The following RASGRF1 variants were observed in gnomAD, a reference collection of about 807,000 sequenced individuals.
RASGRF1 encodes the protein ras-specific guanine nucleotide-releasing factor 1.
RASGRF1 carries 40 observed loss-of-function variants against 138.7 expected under a neutral mutation model. The observed-to-expected ratio is 0.29, with a 90% CI of 0.22 to 0.38. The LOEUF is 0.38. Among genes scored for constraint, RASGRF1 ranks in the 10% least tolerant of loss-of-function variants. The probability of loss-of-function intolerance (pLI) is 1.00; values close to 1 mark genes in which losing one functional copy is unlikely to be tolerated. For synonymous variants in RASGRF1, 614 were observed against 663.2 expected, an observed-to-expected ratio of 0.93 and a Z score of 1.14; for missense variants, 1,108 against 1,650.4, an observed-to-expected ratio of 0.67 and a Z score of 5.69.
chr15:79,087,271 G>C (rs573038241), intron 1 of RASGRF1, among the ~76,000 whole-genome samples: 25 of 152,326 alleles, frequency 1.6e-4, no homozygotes, highest in African/African-American at 5.3e-4. Flanking sequence ...CAGCTTCTAG[G>C]TTGAGGACAT....
chr15:79,061,270 G>C (rs1000874384), intron 2 of RASGRF1, among the ~76,000 whole-genome samples: 5 of 152,044 alleles, frequency 3.3e-5, no homozygotes, highest in Admixed American at 6.5e-5. Flanking sequence ...TTTAGCCTGT[G>C]AGACCCTGGC....
At position 79,049,550 on chromosome 15, in the gene RASGRF1, G is replaced by A; in HGVS notation, c.570C>T (p.Ser190=). Residue 190 remains serine, a synonymous_variant, in exon 4 of 27, where the codon TCC becomes TCT. Coordinates refer to ENST00000558480, the MANE Select transcript of RASGRF1 (RefSeq NM_001145648.3). ...CATCGTTGGGGGCGACAGTCTGGGT[G>A]GACTGGATGCGCTCATTGTCCTTGA... ...SLLKDNERIQ[S]TQTVAPNDED... is the part of the protein sequence containing the mutation. 2 of 1,614,038 alleles carry A rather than the reference G, an allele frequency of 1.2e-6. No homozygotes were observed. The highest frequency in any genetic ancestry group is 1.1e-5 in the South Asian group (1 of 91,060).
intron 1 of RASGRF1, among the ~76,000 whole-genome samples, chr15:79,067,322 T>C (rs2057693462): frequency 6.6e-6 from 1 of 152,158 alleles, no homozygotes; most frequent in South Asian, 2.1e-4. Context: ...AACTGGAGGA[T>C]CTACCACGCC....
rs561781086 is a variant in RASGRF1, at chr15:79,082,778, G to A, written c.276+7445C>T. ...TCCTTTGGTAAGGGCTTGCTTGCTT[G>A]GACCTTTTCAGGAACTCACAGGTTC... On this transcript the variant is annotated intron_variant, in intron 1 of 26. Transcript: ENST00000558480. Among the ~76,000 whole-genome samples the A allele has an allele frequency of 3.5e-4, 54 of 152,298 alleles. 2 individuals carry two copies. In the South Asian group the frequency reaches 0.011, roughly 32 times the overall value.
chr15:79,058,204 T>C, intron 3 of RASGRF1, 130 bp downstream of exon 3: 1 of 1,375,868 alleles, frequency 7.3e-7, no homozygotes, highest in Non-Finnish European at 9.8e-7. Flanking sequence ...ACGTCCTAAG[T>C]TTGGAGTCTG....
intron 24 of RASGRF1, chr15:78,978,848 A>T (rs1208712721): frequency 8.4e-7 from 1 of 1,185,530 alleles, no homozygotes; most frequent in East Asian, 5.9e-5. Context: ...GGTTTGCATA[A>T]AGCTCTTAGC....
chr15:79,089,826 G>A (rs1378320891), intron 1 of RASGRF1, among the ~76,000 whole-genome samples: 2 of 152,178 alleles, frequency 1.3e-5, no homozygotes, highest in African/African-American at 2.4e-5. Flanking sequence ...TAGAACAGAC[G>A]ATCGGGGCTA....
intron 23 of RASGRF1, among the ~76,000 whole-genome samples, chr15:78,982,561 T>TA (rs2056057539): frequency 6.6e-6 from 1 of 152,110 alleles, no homozygotes; most frequent in Admixed American, 6.5e-5. Flanking sequence ...GTGTCTCTGT[T>TA]AGAGTGTGGA....
intron 3 of RASGRF1, among the ~76,000 whole-genome samples, chr15:79,052,015 C>T (rs975781177): frequency 6.6e-6 from 1 of 152,178 alleles, no homozygotes; most frequent in Non-Finnish European, 1.5e-5. Context: ...TTGGTTACAT[C>T]CTGCCCCTAC....
chr15:78,975,345 G>T lies in RASGRF1; in HGVS notation c.3495-1925C>A, dbSNP rs1372955815. Among the ~76,000 whole-genome samples, 5 of 150,366 alleles carry T rather than the reference G, an allele frequency of 3.3e-5. No homozygotes were observed. In the South Asian group the frequency reaches 1.0e-3, roughly 31 times the overall value. On this transcript the variant is annotated intron_variant, in intron 24 of 26. Coordinates refer to ENST00000558480, the MANE Select transcript of RASGRF1 (RefSeq NM_001145648.3). ...GTTCCTGTGATGCATATATGCATTT[G>T]TATACAGGCTTGTAGTTTCAAATAT...
chr15:78,965,906 G>T (rs2141586146), intron 26 of RASGRF1, among the ~76,000 whole-genome samples: 1 of 152,290 alleles, frequency 6.6e-6, no homozygotes, highest in African/African-American at 2.4e-5. Flanking sequence ...AACACAGTTG[G>T]TGAGTGGCTT....
chr15:78,987,759 A>C (rs1017662605), intron 22 of RASGRF1, among the ~76,000 whole-genome samples: 1 of 152,120 alleles, frequency 6.6e-6, no homozygotes, highest in Non-Finnish European at 1.5e-5. Flanking sequence ...AAGGAGACAC[A>C]TGATCACCAT....
Position 78,967,510 on chromosome 15 carries a change from T to C in RASGRF1, c.3681+4356A>G, listed in dbSNP as rs2055666487. ...GCTACAGTGAGCCAAGATCACACTA[T>C]AGCACTCCAGCCTGGGTGACAGGGT... On this transcript the variant is annotated intron_variant, in intron 26 of 26. Transcript: ENST00000558480. Among the ~76,000 whole-genome samples the C allele has an allele frequency of 2.0e-5, 3 of 151,140 alleles. No individual in the cohort carries two copies. The South Asian group carries it at 6.3e-4, about 32-fold the overall frequency.
intron 26 of RASGRF1, among the ~76,000 whole-genome samples, chr15:78,963,015 C>T (rs967244735): frequency 3.3e-5 from 5 of 152,180 alleles, no homozygotes; most frequent in Non-Finnish European, 7.3e-5. Context: ...AGAGAAGAGC[C>T]TCCCTTTTTC....
intron 3 of RASGRF1, among the ~76,000 whole-genome samples, chr15:79,055,590 ACACT>A (rs920489748): frequency 3.3e-5 from 5 of 151,218 alleles, no homozygotes; most frequent in African/African-American, 4.9e-5. Context: ...ACACACACAC[ACACT>A]CTCTCACTCA....
At chr15:79,086,340 C>A (rs2057979451) in intron 1 of RASGRF1, among the ~76,000 whole-genome samples, 5 of 152,194 alleles carry the variant, frequency 3.3e-5, no homozygotes, top group Admixed American at 3.3e-4. Context: ...AACAGAATAG[C>A]TACAGAGTGA....
rs758625619 is a variant in RASGRF1, at chr15:79,031,383, G to A, written c.1262+17C>T. 7 of 1,567,430 alleles carry A rather than the reference G, an allele frequency of 4.5e-6. No homozygotes were observed. Among genetic ancestry groups the A allele is most frequent in the Non-Finnish European group, 6.1e-6 (7 of 1,145,958 alleles). On this transcript the variant is annotated intron_variant, in intron 8 of 26. Coordinates refer to ENST00000558480, the MANE Select transcript of RASGRF1 (RefSeq NM_001145648.3). Reference sequence around the variant, plus strand: ...GCCCTGTCTGCCGGTCTGGTGCACTGAAGAGCCAGGCCTCACCTGGACAGC... The same window carrying A: ...GCCCTGTCTGCCGGTCTGGTGCACTAAAGAGCCAGGCCTCACCTGGACAGC...
At chr15:79,060,226 C>T (rs986905938) in intron 2 of RASGRF1, among the ~76,000 whole-genome samples, 2 of 152,156 alleles carry the variant, frequency 1.3e-5, no homozygotes, top group Admixed American at 6.5e-5. Flanking sequence ...TCCCTTTCTG[C>T]GACCATCACT....
Position 79,073,662 on chromosome 15 carries a change from T to C in RASGRF1, c.277-9136A>G, listed in dbSNP as rs1046846364. Among the ~76,000 whole-genome samples, 3 of 152,112 alleles carry C rather than the reference T, an allele frequency of 2.0e-5. No homozygotes were observed. Among genetic ancestry groups the C allele is most frequent in the African/African-American group, 7.2e-5 (3 of 41,394 alleles). On this transcript the variant is annotated intron_variant, in intron 1 of 26. Transcript: ENST00000558480. The surrounding 1 kb of genome is among the most constrained non-coding windows in gnomAD (Gnocchi z 4.2). ...TGGCTACAGGTGGTTGAGGATGGCA[T>C]GGGGACAAGACTGGCTGCCCTGGAA...
Sources: allele counts gnomAD v4.1 joint callset (sites outside exome capture counted in the v4.1 genomes callset), GRCh38; gene constraint gnomAD v4.1.1; non-coding constraint Gnocchi (gnomAD v3.1); transcripts MANE v1.5; gene names NCBI Gene and HGNC (gene_info 2026-07-23, HGNC 2026-07-21).